The following CCSER2 variants were observed in gnomAD, a reference collection of about 807,000 sequenced individuals.
CCSER2 encodes the protein coiled-coil serine rich protein 2.
CCSER2 carries 46 observed loss-of-function variants against 92.3 expected under a neutral mutation model. The observed-to-expected ratio is 0.50, with a 90% CI of 0.39 to 0.64. The LOEUF (loss-of-function observed/expected upper bound fraction) is 0.64, where lower values mean the gene tolerates loss of function less well. Ranked by LOEUF, CCSER2 falls within the 30% of genes least tolerant of loss-of-function variation. The pLI is 0.00. For synonymous variants in CCSER2, 433 were observed against 431.4 expected, an observed-to-expected ratio of 1.00 and a Z score of -0.04; for missense variants, 1,244 against 1,238.9, an observed-to-expected ratio of 1.00 and a Z score of -0.06.
At chr10:84,428,790 T>G (rs78012422) in intron 5 of CCSER2, among the ~76,000 whole-genome samples, 2,910 of 152,174 alleles carry the variant, frequency 0.019, 89 homozygotes, top group Admixed American at 0.073. Flanking sequence ...CATTCATGGA[T>G]AGTTGAGTGT....
chr10:84,456,298 C>T (rs1845616397), intron 6 of CCSER2, among the ~76,000 whole-genome samples: 1 of 152,188 alleles, frequency 6.6e-6, no homozygotes, highest in Non-Finnish European at 1.5e-5. Flanking sequence ...AAAAGATTAT[C>T]ATATAAATGG....
intron 7 of CCSER2, among the ~76,000 whole-genome samples, chr10:84,464,948 A>G (rs1846304613): frequency 6.6e-6 from 1 of 152,194 alleles, no homozygotes; most frequent in Non-Finnish European, 1.5e-5. Context: ...AAGATTGTAT[A>G]TAAAGCAATC....
intron 8 of CCSER2, among the ~76,000 whole-genome samples, chr10:84,477,335 T>A (rs1847208218): frequency 6.6e-6 from 1 of 152,186 alleles, no homozygotes; most frequent in South Asian, 2.1e-4. Flanking sequence ...TGTGATAACA[T>A]TTTTTCTTCA....
intron 3 of CCSER2, among the ~76,000 whole-genome samples, chr10:84,406,601 C>G (rs963355598): frequency 6.6e-6 from 1 of 152,062 alleles, no homozygotes; most frequent in Admixed American, 6.6e-5. Flanking sequence ...GTCAGTCTTA[C>G]GGGAAGCCTC....
chr10:84,399,437 A>G (rs1030107020), intron 3 of CCSER2, among the ~76,000 whole-genome samples: 8 of 152,170 alleles, frequency 5.3e-5, no homozygotes, highest in Non-Finnish European at 1.0e-4. Context: ...GTTTACCTGA[A>G]ATCTCTCGGA....
chr10:84,431,457 T>A (rs1589645648), intron 5 of CCSER2, among the ~76,000 whole-genome samples: 1 of 149,612 alleles, frequency 6.7e-6, no homozygotes, highest in East Asian at 2.0e-4. Flanking sequence ...AAAAAAAAAA[T>A]TAGCCAGGTG....
intron 4 of CCSER2, among the ~76,000 whole-genome samples, chr10:84,424,350 C>CCCT (rs1843318434): frequency 1.3e-5 from 2 of 150,970 alleles, no homozygotes; most frequent in Non-Finnish European, 2.9e-5. Context: ...AAATGTAAGG[C>CCCT]TTCTTTTAAA....
intron 3 of CCSER2, chr10:84,392,178 C>A: frequency 1.9e-6 from 1 of 539,854 alleles, no homozygotes; most frequent in South Asian, 1.9e-5. Context: ...ACACTACAAT[C>A]TCAACCCTAC....
chr10:84,484,167 G>A (rs1013657004), intron 9 of CCSER2, among the ~76,000 whole-genome samples: 19 of 150,906 alleles, frequency 1.3e-4, no homozygotes, highest in African/African-American at 2.9e-4. Context: ...TAGTAGAGAC[G>A]GGGTTTCACC....
rs1261376446 is a variant in CCSER2, at chr10:84,372,106, G to A, written c.1054G>A (p.Ala352Thr). Residue 352 changes from alanine to threonine, a missense_variant, in exon 2 of 10, where the codon GCT becomes ACT. By Grantham distance (58) the Ala-to-Thr change is moderately conservative (BLOSUM62 0). Transcript: ENST00000372088. ...SPADTCVEEDATVLAKDRAAN... is the reference protein window; with the variant it reads ...SPADTCVEEDTTVLAKDRAAN... ...TGCTGACACATGTGTAGAGGAAGAT[G>A]CTACAGTTTTGGCTAAGGACAGAGC... 6.2e-7 allele frequency: 1 copy of A among 1,613,670 alleles called. No homozygotes were observed. The highest frequency in any genetic ancestry group is 2.2e-5 in the East Asian group (1 of 44,872).
In CCSER2 at chr10:84,437,666, G is replaced by A. The variant is rs370021882; in HGVS notation, c.1869-846G>A. On this transcript the variant is annotated intron_variant, in intron 5 of 9. Transcript: ENST00000372088. ...ATTTTTTTCCTTATTCAGCATGTAT[G>A]TTATTGTATGAAACTGAAGGGAAAT... Among the ~76,000 whole-genome samples, 6 of 146,832 alleles carry A rather than the reference G, an allele frequency of 4.1e-5. No homozygotes were observed. In the South Asian group the frequency reaches 1.3e-3, roughly 32 times the overall value.
At chr10:84,337,994 A>T (rs1843934225) in intron 1 of CCSER2, among the ~76,000 whole-genome samples, 1 of 152,158 alleles carries the variant, frequency 6.6e-6, no homozygotes, top group Admixed American at 6.5e-5. Flanking sequence ...AAACAAAAGG[A>T]GAGGGGGCTG....
intron 1 of CCSER2, among the ~76,000 whole-genome samples, chr10:84,346,197 T>A (rs561866635): frequency 6.6e-6 from 1 of 152,296 alleles, no homozygotes; most frequent in Admixed American, 6.5e-5. Flanking sequence ...CCCGAGTAGC[T>A]GGGATTACAG....
At chr10:84,493,987 C>T (rs1000375696) in intron 9 of CCSER2, among the ~76,000 whole-genome samples, 4 of 152,142 alleles carry the variant, frequency 2.6e-5, no homozygotes, top group Admixed American at 2.0e-4. Context: ...CTAGATTTCT[C>T]GCATGTGCAG....
chr10:84,358,267 G>T (rs1409042392), intron 1 of CCSER2, among the ~76,000 whole-genome samples: 1 of 152,148 alleles, frequency 6.6e-6, no homozygotes, highest in Non-Finnish European at 1.5e-5. Flanking sequence ...GGTCAGTTCA[G>T]AGAGTTGGCT....
chr10:84,511,211 T>C (rs1849331606), intron 9 of CCSER2, among the ~76,000 whole-genome samples: 1 of 152,180 alleles, frequency 6.6e-6, no homozygotes, highest in African/African-American at 2.4e-5. Flanking sequence ...TTCATTAATA[T>C]TTGATATGAA....
At chr10:84,451,201 G>A (rs1845262989) in intron 6 of CCSER2, among the ~76,000 whole-genome samples, 2 of 149,834 alleles carry the variant, frequency 1.3e-5, no homozygotes, top group African/African-American at 4.9e-5. Context: ...ATGTGCTGAT[G>A]TATTTAGTAA....
chr10:84,440,731 A>G (rs540513121), intron 6 of CCSER2, among the ~76,000 whole-genome samples: 2 of 152,340 alleles, frequency 1.3e-5, no homozygotes, highest in South Asian at 2.1e-4. Flanking sequence ...TGAATGGCAC[A>G]CTGTTTTAGT....
intron 3 of CCSER2, among the ~76,000 whole-genome samples, chr10:84,385,183 A>G (rs1267623562): frequency 6.6e-6 from 1 of 152,200 alleles, no homozygotes; most frequent in Non-Finnish European, 1.5e-5. Flanking sequence ...ATACTGCTCA[A>G]AGTAATCTAC....
Sources: gnomAD v4.1 joint callset for allele counts (sites outside exome capture counted in the v4.1 genomes callset) on GRCh38, gnomAD v4.1.1 for gene constraint, MANE v1.5 for transcripts, NCBI Gene and HGNC (gene_info 2026-07-23, HGNC 2026-07-21) for gene names.